TM4SF18: variants seen among roughly 807,000 people sequenced by gnomAD.
The protein encoded by TM4SF18 is transmembrane 4 L six family member 18.
In TM4SF18, 22 loss-of-function variants were observed where a neutral mutation model predicts 23.8. The ratio of observed to expected loss-of-function variants is 0.92; its 90% CI spans 0.66 to 1.32. TM4SF18 has a LOEUF of 1.32. TM4SF18 is among the 40% of genes most tolerant of loss of function. The pLI is 0.00. For missense variants in TM4SF18, 255 were observed against 240.3 expected (o/e 1.06, Z -0.41); for synonymous variants, 87 against 87.9 (o/e 0.99, Z 0.06).
chr3:149,324,223 G>A (rs930027618), intron 4 of TM4SF18, among the ~76,000 whole-genome samples: 5 of 152,166 alleles, frequency 3.3e-5, no homozygotes, highest in African/African-American at 1.2e-4. Flanking sequence ...GAGGCATTCT[G>A]AGATCCGGGA....
chr3:149,322,183 C>A, intron 5 of TM4SF18, 73 bp downstream of exon 5: 1 of 1,335,578 alleles, frequency 7.5e-7, no homozygotes, highest in Non-Finnish European at 1.0e-6. Flanking sequence ...AGAGTCTTTT[C>A]AAAAAGCCTC....
Position 149,322,241 on chromosome 3 carries a change from A to G in TM4SF18, c.591+15T>C, listed in dbSNP as rs771827744. ...AAATATGGATGAGCTACAGGTGCCC[A>G]TGAGAATCTGTTACCTGGAAGATCA... On this transcript the variant is annotated intron_variant, in intron 5 of 5. Coordinates refer to ENST00000296059, the MANE Select transcript of TM4SF18 (RefSeq NM_138786.4). The G allele has an allele frequency of 4.4e-6, 7 of 1,602,838 alleles. No individual in the cohort carries two copies. In the South Asian group the frequency reaches 6.7e-5, roughly 15 times the overall value.
intron 3 of TM4SF18, among the ~76,000 whole-genome samples, chr3:149,326,811 G>A (rs979173684): frequency 6.6e-6 from 1 of 152,178 alleles, no homozygotes; most frequent in Non-Finnish European, 1.5e-5. Context: ...GAACATCCCT[G>A]TAGGTCAACT....
At chr3:149,333,107 G>C in intron 2 of TM4SF18, 99 bp downstream of exon 2, 1 of 1,180,976 alleles carries the variant, frequency 8.5e-7, no homozygotes, top group Non-Finnish European at 1.2e-6. Context: ...CCCAAGATTA[G>C]CAGAATGATT....
chr3:149,327,839 A>T (rs1399114436), intron 3 of TM4SF18, among the ~76,000 whole-genome samples: 1 of 152,148 alleles, frequency 6.6e-6, no homozygotes, highest in Non-Finnish European at 1.5e-5. Flanking sequence ...TAGCATACAC[A>T]CACATGCACA....
Position 149,330,324 on chromosome 3 carries a change from T to C in TM4SF18, c.267+6A>G. ...CAACCATCCTCAAAAAAACTGTTGC[T>C]CTTACCACATATTTTTTGCTGCAGT... On this transcript the variant is annotated splice_donor_region_variant and intron_variant, in intron 3 of 5. Coordinates refer to ENST00000296059, the MANE Select transcript of TM4SF18 (RefSeq NM_138786.4). The C allele has an allele frequency of 1.2e-6, 2 of 1,605,706 alleles. No homozygotes were observed. Among genetic ancestry groups the C allele is most frequent in the South Asian group, 1.1e-5 (1 of 90,190 alleles).
chr3:149,331,112 C>T (rs1419308731), intron 2 of TM4SF18, among the ~76,000 whole-genome samples: 1 of 152,118 alleles, frequency 6.6e-6, no homozygotes, highest in Non-Finnish European at 1.5e-5. Context: ...AGACTAGATA[C>T]AGATCATGAA....
At chr3:149,325,530 G>A (rs561917209) in intron 3 of TM4SF18, among the ~76,000 whole-genome samples, 1 of 152,180 alleles carries the variant, frequency 6.6e-6, no homozygotes. Context: ...GGAGAGGGGG[G>A]TGTTTTCATT....
intron 3 of TM4SF18, among the ~76,000 whole-genome samples, chr3:149,325,293 A>G (rs2108360506): frequency 1.3e-5 from 2 of 152,314 alleles, no homozygotes; most frequent in Middle Eastern, 3.4e-3. Context: ...ATATCAAAAT[A>G]ATGATCTCCT....
intron 3 of TM4SF18, among the ~76,000 whole-genome samples, chr3:149,328,033 T>C (rs1221505883): frequency 6.6e-6 from 1 of 152,216 alleles, no homozygotes; most frequent in African/African-American, 2.4e-5. Flanking sequence ...TTAGCTATTA[T>C]TTCAAGTGCC....
At chr3:149,329,156 TCACACACACACACA>T (rs33985529) in intron 3 of TM4SF18, among the ~76,000 whole-genome samples, 13 of 142,228 alleles carry the variant, frequency 9.1e-5, no homozygotes, top group East Asian at 2.1e-4. Flanking sequence ...AGTCAACTGG[TCACACACACACACA>T]CACACACACA....
At chr3:149,327,692 T>A (rs1363287358) in intron 3 of TM4SF18, among the ~76,000 whole-genome samples, 2 of 152,196 alleles carry the variant, frequency 1.3e-5, no homozygotes, top group Non-Finnish European at 2.9e-5. Flanking sequence ...GGAATAAAAA[T>A]CATCTCAATA....
intron 3 of TM4SF18, among the ~76,000 whole-genome samples, chr3:149,327,124 A>AT (rs1286599595): frequency 5.3e-5 from 8 of 151,938 alleles, no homozygotes; most frequent in Non-Finnish European, 1.0e-4. Flanking sequence ...TCATTTTTGT[A>AT]TTTTTAGTAG....
At chr3:149,325,570 G>A (rs1730925495) in intron 3 of TM4SF18, among the ~76,000 whole-genome samples, 1 of 152,162 alleles carries the variant, frequency 6.6e-6, no homozygotes, top group South Asian at 2.1e-4. Context: ...TTATTCACAG[G>A]CAGATCAGTG....
In TM4SF18 at chr3:149,329,266, T is replaced by C. The variant is rs189877690; in HGVS notation, c.267+1064A>G. On this transcript the variant is annotated intron_variant, in intron 3 of 5. Coordinates refer to ENST00000296059, the MANE Select transcript of TM4SF18 (RefSeq NM_138786.4). Reference sequence around the variant, plus strand: ...TACTAAATAAAGCAACGAATTTAATTTTTAAAAGACATTGGTCAAAGAAAA... The same window carrying C: ...TACTAAATAAAGCAACGAATTTAATCTTTAAAAGACATTGGTCAAAGAAAA... Among the ~76,000 whole-genome samples, 14 of 152,176 alleles carry C rather than the reference T, an allele frequency of 9.2e-5. No individual in the cohort carries two copies. The East Asian group carries it at 1.9e-3, about 21-fold the overall frequency.
intron 2 of TM4SF18, among the ~76,000 whole-genome samples, chr3:149,331,580 A>T (rs1445670062): frequency 2.0e-5 from 3 of 152,222 alleles, no homozygotes; most frequent in African/African-American, 4.8e-5. Context: ...TCATTACAAT[A>T]TTGATAGAGA....
At chr3:149,327,826 C>T (rs1186616309) in intron 3 of TM4SF18, among the ~76,000 whole-genome samples, 1 of 152,028 alleles carries the variant, frequency 6.6e-6, no homozygotes, top group East Asian at 1.9e-4. Context: ...AAACTGGCAG[C>T]CATAGCATAC....
chr3:149,333,430 A>C, intron 1 of TM4SF18, 31 bp from the exon 2 acceptor site: 1 of 1,403,440 alleles, frequency 7.1e-7, no homozygotes, highest in Non-Finnish European at 9.4e-7. Flanking sequence ...ATACAGTCAC[A>C]GAAAGTCTAT....
chr3:149,322,263 A>G lies in TM4SF18; in HGVS notation c.584T>C (p.Ile195Thr), dbSNP rs1730823190. 2 of 1,610,788 alleles carry G rather than the reference A, an allele frequency of 1.2e-6. No individual in the cohort carries two copies. Among genetic ancestry groups the G allele is most frequent in the Non-Finnish European group, 1.7e-6 (2 of 1,178,528 alleles). Residue 195 changes from isoleucine to threonine, a missense_variant, in exon 5 of 6, where the codon ATC becomes ACC. Physicochemically the swap from Ile to Thr is moderately conservative, Grantham distance 89. Transcript: ENST00000296059. Reference sequence around the variant, plus strand: ...CCCATGAGAATCTGTTACCTGGAAGATCACTGAATAGCTTCCACACAGTAT... The same window carrying G: ...CCCATGAGAATCTGTTACCTGGAAGGTCACTGAATAGCTTCCACACAGTAT... ...SKILCGSYSV[I>T]FQPGII
Sources: allele counts gnomAD v4.1 joint callset (sites outside exome capture counted in the v4.1 genomes callset), GRCh38; gene constraint gnomAD v4.1.1; transcripts MANE v1.5; gene names NCBI Gene and HGNC (gene_info 2026-07-23, HGNC 2026-07-21).